The following TCHH variants were observed in gnomAD, a reference collection of about 807,000 sequenced individuals.
TCHH encodes trichohyalin.
A neutral mutation model predicts 6.3 loss-of-function variants in TCHH; 6 were observed. The observed-to-expected ratio is 0.95, with a 90% CI of 0.52 to 1.88. TCHH has a LOEUF of 1.88. TCHH is among the 40% of genes most tolerant of loss of function. TCHH has a pLI of 0.01. For synonymous variants in TCHH, 1,087 were observed against 963.6 expected, an observed-to-expected ratio of 1.13 and a Z score of -2.37; for missense variants, 2,920 against 2,449.1, an observed-to-expected ratio of 1.19 and a Z score of -4.06.
At position 152,107,709 on chromosome 1, in the gene TCHH, C is replaced by A. The variant is rs779744010; in HGVS notation, c.5508G>T (p.Arg1836Ser). 2.5e-6 allele frequency: 4 copies of A among 1,613,438 alleles called. No individual in the cohort carries two copies. The South Asian group carries it at 4.4e-5, about 18-fold the overall frequency. ...EQLQLEEQEQRLRQERDRQYR... is the reference protein window; with the variant it reads ...EQLQLEEQEQSLRQERDRQYR... ...ACTGCCGGTCTCGCTCCTGCCGCAG[C>A]CTCTGCTCTTGTTCCTCAAGTTGGA... The change falls in exon 3 of 3, where the codon AGG becomes AGT. Residue 1836 changes from arginine to serine, a missense_variant. Coordinates refer to ENST00000614923, the MANE Select transcript of TCHH (RefSeq NM_007113.4).
Position 152,110,782 on chromosome 1 carries a change from G to A in TCHH, c.2435C>T (p.Pro812Leu), listed in dbSNP as rs1373749268. Residue 812 changes from proline to leucine, a missense_variant, in exon 3 of 3, where the codon CCG becomes CTG. By Grantham distance (98) the Pro-to-Leu change is moderately conservative. Transcript: ENST00000614923. Reference sequence around the variant, plus strand: ...CCGCTGCTCCTTCTCCTCCTCCTCCGGGAGAAACCGTTGTTCCCGCTGCTG... The same window carrying A: ...CCGCTGCTCCTTCTCCTCCTCCTCCAGGAGAAACCGTTGTTCCCGCTGCTG... ...ERQQREQRFL[P>L]EEEEKEQRRR... 2 of 1,606,932 alleles carry A rather than the reference G, an allele frequency of 1.2e-6. No individual in the cohort carries two copies. The highest frequency in any genetic ancestry group is 1.7e-6 in the Non-Finnish European group (2 of 1,179,696).
In TCHH at chr1:152,107,771, G is replaced by A; in HGVS notation, c.5446C>T (p.Gln1816Ter). The A allele has an allele frequency of 6.2e-7, 1 of 1,614,168 alleles. No individual in the cohort carries two copies. Among genetic ancestry groups the A allele is most frequent in the Non-Finnish European group, 8.5e-7 (1 of 1,180,032 alleles). Residue 1816 changes from glutamine to a stop codon, truncating the protein, a stop_gained, in exon 3 of 3, where the codon CAG becomes TAG. Transcript: ENST00000614923. LOFTEE classifies it low-confidence loss of function (END_TRUNC). ...EREEQQLRPQ[Q>*]RDGKYRWEEE... is the part of the protein sequence containing the mutation. Reference sequence around the variant, plus strand: ...TCCCAGCGATACTTTCCGTCACGCTGTTGGGGGCGCAGCTGCTGTTCTTCC... The same window carrying A: ...TCCCAGCGATACTTTCCGTCACGCTATTGGGGGCGCAGCTGCTGTTCTTCC...
At chr1:152,113,360 C>T (rs1442702883) in intron 2 of TCHH, among the ~76,000 whole-genome samples, 1 of 152,174 alleles carries the variant, frequency 6.6e-6, no homozygotes, top group East Asian at 1.9e-4. Context: ...AGCCTACGCA[C>T]CTTAGAGGCA....
At position 152,109,773 on chromosome 1, in the gene TCHH, C is replaced by G. The variant is rs1304959684; in HGVS notation, c.3444G>C (p.Gln1148His). The change falls in exon 3 of 3, where the codon CAG becomes CAC. Residue 1148 changes from glutamine (Q) to histidine (H), a missense_variant. Transcript: ENST00000614923. ...RQYREEEEVQ[Q>H]EEEQLLREEP... Reference sequence around the variant, plus strand: ...CCTCTCTCAGCAGCTGCTCTTCCTCCTGCTGCACCTCCTCTTCCTCCCGAT... The same window carrying G: ...CCTCTCTCAGCAGCTGCTCTTCCTCGTGCTGCACCTCCTCTTCCTCCCGAT... The G allele has an allele frequency of 1.9e-6, 3 of 1,581,728 alleles. No individual in the cohort carries two copies. The highest frequency in any genetic ancestry group is 1.7e-4 in the Middle Eastern group (1 of 5,878).
chr1:152,109,718 C>T lies in TCHH; in HGVS notation c.3499G>A (p.Glu1167Lys). 2.5e-6 allele frequency: 4 copies of T among 1,606,114 alleles called. No homozygotes were observed. Among genetic ancestry groups the T allele is most frequent in the Non-Finnish European group, 2.5e-6 (3 of 1,176,536 alleles). The stretch of plus-strand genomic sequence containing the variant: ...TCCTCTTCCTCGCGGTATTGCCTCT[C>T]CAGCTCCTGGCGCCTTCTCTTCTCC... ...EPEKRRRQEL[E>K]RQYREEEELQ... The change falls in exon 3 of 3, where the codon GAG (glutamate) becomes AAG (lysine). Residue 1167 changes from glutamate to lysine, a missense_variant. Glu to Lys is a moderately conservative substitution (Grantham distance 56, BLOSUM62 1). Transcript: ENST00000614923.
chr1:152,108,830 A>AT lies in TCHH; in HGVS notation c.4386dup (p.Phe1463IlefsTer22). ...TGGAGCAGCTGTTCCTCTTCGCGGA[A>AT]TTTTCTGTGACGCTCCTGGCGCAGC... On this transcript the variant is annotated frameshift_variant, in exon 3 of 3. Coordinates refer to ENST00000614923, the MANE Select transcript of TCHH (RefSeq NM_007113.4). LOFTEE classifies it low-confidence loss of function (END_TRUNC). The AT allele has an allele frequency of 6.3e-7, 1 of 1,585,386 alleles. No individual in the cohort carries two copies.
chr1:152,109,116 C>T lies in TCHH; in HGVS notation c.4101G>A (p.Leu1367=), dbSNP rs375316803. ...ERDRKFREEE[L]RHQEQGRKFL... Reference sequence around the variant, plus strand: ...ATTTTCTCCCTTGTTCCTGATGGCGCAGTTCCTCTTCGCGGAATTTTCTGT... The same window carrying T: ...ATTTTCTCCCTTGTTCCTGATGGCGTAGTTCCTCTTCGCGGAATTTTCTGT... Residue 1367 remains leucine, a synonymous_variant, in exon 3 of 3, where the codon CTG becomes CTA. Transcript: ENST00000614923. 1.9e-5 allele frequency: 30 copies of T among 1,613,546 alleles called. No individual in the cohort carries two copies. In the African/African-American group the frequency reaches 3.3e-4, roughly 18 times the overall value.
rs762903467 is a variant in TCHH, at chr1:152,108,064, C to A, written c.5153G>T (p.Arg1718Leu). The change falls in exon 3 of 3, where the codon CGC becomes CTC. Residue 1718 changes from arginine to leucine, a missense_variant. Physicochemically the swap from Arg to Leu is moderately radical, Grantham distance 102. Coordinates refer to ENST00000614923, the MANE Select transcript of TCHH (RefSeq NM_007113.4). ...ACGGAATTTTCTCTCCAGTTCCTGG[C>A]GGCGCAGCTGCTGTTCCTCCTGGAG... ...KFLQEEQQLR[R>L]QELERKFREE... The A allele has an allele frequency of 9.9e-6, 16 of 1,613,638 alleles. No homozygotes were observed. Among genetic ancestry groups the A allele is most frequent in the Admixed American group, 5.0e-5 (3 of 59,982 alleles).
At position 152,112,238 on chromosome 1, in the gene TCHH, TCTCCTGCTGCTCGCGCCTCTC is replaced by T. The variant is rs770348410; in HGVS notation, c.958_978del (p.Glu320_Glu326del). On this transcript the variant is annotated inframe_deletion, in exon 3 of 3. Transcript: ENST00000614923. The stretch of plus-strand genomic sequence containing the variant: ...CGCCTCTCCTCCTGCTGCTCGCGCC[TCTCCTGCTGCTCGCGCCTCTC>T]CTCCTGCTGCTCGCGCCTCTCCTCC... 1.0e-4 allele frequency: 161 copies of T among 1,578,714 alleles called. 1 individual carries two copies. The highest frequency in any genetic ancestry group is 6.5e-4 in the Admixed American group (37 of 57,126).
chr1:152,108,617 G>A lies in TCHH; in HGVS notation c.4600C>T (p.Leu1534Phe), dbSNP rs774434759. The change falls in exon 3 of 3, where the codon CTC (leucine) becomes TTC (phenylalanine). Residue 1534 changes from leucine to phenylalanine, a missense_variant. By Grantham distance (22) the Leu-to-Phe change is conservative. Coordinates refer to ENST00000614923, the MANE Select transcript of TCHH (RefSeq NM_007113.4). ...LHRQQRQRKF[L>F]QEEQQLRRQE... is the part of the protein sequence containing the mutation. Reference sequence around the variant, plus strand: ...CGGCGCAGCTGCTGTTCCTCCTGGAGGAATTTTCTCTGCCGTTGCTGGCGG... The same window carrying A: ...CGGCGCAGCTGCTGTTCCTCCTGGAAGAATTTTCTCTGCCGTTGCTGGCGG... 2 of 1,601,208 alleles carry A rather than the reference G, an allele frequency of 1.2e-6. No individual in the cohort carries two copies. The highest frequency in any genetic ancestry group is 1.1e-5 in the South Asian group (1 of 90,904).
At chr1:152,113,914 A>G (rs1658448230) in intron 2 of TCHH, 29 bp downstream of exon 2, 9 of 1,602,972 alleles carry the variant, frequency 5.6e-6, no homozygotes, top group East Asian at 2.2e-5. Flanking sequence ...CCTCAAGTCA[A>G]TAGATCTCAT....
In TCHH at chr1:152,108,027, C is replaced by G; in HGVS notation, c.5190G>C (p.Gln1730His). The stretch of plus-strand genomic sequence containing the variant: ...GCTCTTGCTCCGTTTCTTGGCGCAG[C>G]TGTTCCTCCTCACGGAATTTTCTCT... ...ELERKFREEEQLRQETEQEQL... is the reference protein window; with the variant it reads ...ELERKFREEEHLRQETEQEQL... Residue 1730 changes from glutamine to histidine, a missense_variant, in exon 3 of 3, where the codon CAG becomes CAC. Transcript: ENST00000614923. 2 of 1,613,894 alleles carry G rather than the reference C, an allele frequency of 1.2e-6. No homozygotes were observed. The highest frequency in any genetic ancestry group is 8.5e-7 in the Non-Finnish European group (1 of 1,179,964).
In TCHH at chr1:152,109,036, T is replaced by G; in HGVS notation, c.4181A>C (p.Lys1394Thr). 1 of 1,613,720 alleles carries G rather than the reference T, an allele frequency of 6.2e-7. No homozygotes were observed. Among genetic ancestry groups the G allele is most frequent in the Non-Finnish European group, 8.5e-7 (1 of 1,179,820 alleles). Residue 1394 changes from lysine to threonine, a missense_variant, in exon 3 of 3, where the codon AAG becomes ACG. Coordinates refer to ENST00000614923, the MANE Select transcript of TCHH (RefSeq NM_007113.4). ...CTGGCAGCGCAGCTGCTGTTCCTCCTTAAGGAATTTTCTCTCCCGTTCCTG... is the reference window on the plus strand; with the variant it reads ...CTGGCAGCGCAGCTGCTGTTCCTCCGTAAGGAATTTTCTCTCCCGTTCCTG... The part of the protein sequence containing the change: ...RRQERERKFL[K>T]EEQQLRCQER...
rs1557811664 is a variant in TCHH, at chr1:152,111,383, G to GCTCGAGTCTCTCCACCTC, written c.1816_1833dup (p.Glu606_Glu611dup). ...AGCCGCTGCTCGCGCCTCTCCTCCTGCTCGAGTCTCTCCACCTCCTCGCGC... is the reference window on the plus strand; with the variant it reads ...AGCCGCTGCTCGCGCCTCTCCTCCTGCTCGAGTCTCTCCACCTCCTCGAGTCTCTCCACCTCCTCGCGC... On this transcript the variant is annotated inframe_insertion, in exon 3 of 3. Coordinates refer to ENST00000614923, the MANE Select transcript of TCHH (RefSeq NM_007113.4). The GCTCGAGTCTCTCCACCTC allele has an allele frequency of 1.0e-5, 16 of 1,595,068 alleles. No homozygotes were observed. The highest frequency in any genetic ancestry group is 2.3e-5 in the East Asian group (1 of 43,946).
Position 152,108,859 on chromosome 1 carries a change from T to G in TCHH, c.4358A>C (p.Gln1453Pro). Reference sequence around the variant, plus strand: ...TCTGTGACGCTCCTGGCGCAGCTGCTGTTCCTCCTCCAGGAATTTTCTCTC... The same window carrying G: ...TCTGTGACGCTCCTGGCGCAGCTGCGGTTCCTCCTCCAGGAATTTTCTCTC... Reference protein sequence around the residue: ...ERERKFLEEEQQLRQERHRKF... With the variant: ...ERERKFLEEEPQLRQERHRKF... Residue 1453 changes from glutamine to proline, a missense_variant, in exon 3 of 3, where the codon CAG becomes CCG. By Grantham distance (76) the Gln-to-Pro change is moderately conservative. Coordinates refer to ENST00000614923, the MANE Select transcript of TCHH (RefSeq NM_007113.4). The G allele has an allele frequency of 6.2e-7, 1 of 1,612,880 alleles. No homozygotes were observed. The highest frequency in any genetic ancestry group is 8.5e-7 in the Non-Finnish European group (1 of 1,179,688).
In TCHH at chr1:152,110,426, G is replaced by A. The variant is rs1296993731; in HGVS notation, c.2791C>T (p.Arg931Cys). ...RRRQEQERQYREEEQLQQEEE... is the reference protein window; with the variant it reads ...RRRQEQERQYCEEEQLQQEEE... Reference sequence around the variant, plus strand: ...TCCTGCTGCAGCTGCTCTTCCTCGCGGTATTGTCTCTCCTGTTCTTGGCGC... The same window carrying A: ...TCCTGCTGCAGCTGCTCTTCCTCGCAGTATTGTCTCTCCTGTTCTTGGCGC... The change falls in exon 3 of 3, where the codon CGC becomes TGC. Residue 931 changes from arginine (R) to cysteine (C), a missense_variant. By Grantham distance (180) the Arg-to-Cys change is radical (BLOSUM62 -3). Transcript: ENST00000614923. The A allele has an allele frequency of 1.2e-6, 2 of 1,613,836 alleles. No individual in the cohort carries two copies. The highest frequency in any genetic ancestry group is 1.7e-5 in the Admixed American group (1 of 59,982).
At position 152,112,514 on chromosome 1, in the gene TCHH, C is replaced by T. The variant is rs2101533824; in HGVS notation, c.703G>A (p.Asp235Asn). ...EKQQQRRERQ[D>N]RVFQEEEEKE... Reference sequence around the variant, plus strand: ...TCTTCTTCCTCCTGGAACACTCTGTCTTGCCGCTCTCGCCTTTGCTGCTGT... The same window carrying T: ...TCTTCTTCCTCCTGGAACACTCTGTTTTGCCGCTCTCGCCTTTGCTGCTGT... Residue 235 changes from aspartate to asparagine, a missense_variant, in exon 3 of 3, where the codon GAC (aspartate) becomes AAC (asparagine). Transcript: ENST00000614923. 6.2e-7 allele frequency: 1 copy of T among 1,613,518 alleles called. No homozygotes were observed. Among genetic ancestry groups the T allele is most frequent in the Non-Finnish European group, 8.5e-7 (1 of 1,180,006 alleles).
In TCHH at chr1:152,111,112, G is replaced by A. The variant is rs374975788; in HGVS notation, c.2105C>T (p.Pro702Leu). ...QARERIKSRIPKWQWQLESEA... is the reference protein window; with the variant it reads ...QARERIKSRILKWQWQLESEA... ...GCTTTCTAGCTGCCACTGCCACTTC[G>A]GGATGCGGCTCTTAATCCGCTCCCG... is the stretch of plus-strand genomic sequence containing the variant. The change falls in exon 3 of 3, where the codon CCG (proline) becomes CTG (leucine). Residue 702 changes from proline (P) to leucine (L), a missense_variant. Transcript: ENST00000614923. The A allele has an allele frequency of 1.9e-6, 3 of 1,613,628 alleles. No individual in the cohort carries two copies. Among genetic ancestry groups the A allele is most frequent in the East Asian group, 2.2e-5 (1 of 44,846 alleles).
chr1:152,108,092 A>G lies in TCHH; in HGVS notation c.5125T>C (p.Phe1709Leu). 1 of 1,595,474 alleles carries G rather than the reference A, an allele frequency of 6.3e-7. No individual in the cohort carries two copies. The highest frequency in any genetic ancestry group is 8.5e-7 in the Non-Finnish European group (1 of 1,175,066). The change falls in exon 3 of 3, where the codon TTC becomes CTC. Residue 1709 changes from phenylalanine to leucine, a missense_variant. Transcript: ENST00000614923. Reference protein sequence around the residue: ...QLRRQERERKFLQEEQQLRRQ... With the variant: ...QLRRQERERKLLQEEQQLRRQ... Reference sequence around the variant, plus strand: ...CGCAGCTGCTGTTCCTCCTGGAGGAATTTTCTCTCTCGTTCCTGACGGCGG... The same window carrying G: ...CGCAGCTGCTGTTCCTCCTGGAGGAGTTTTCTCTCTCGTTCCTGACGGCGG...
Sources: allele counts gnomAD v4.1 joint callset (sites outside exome capture counted in the v4.1 genomes callset), GRCh38; gene constraint gnomAD v4.1.1; transcripts MANE v1.5; gene names NCBI Gene and HGNC (gene_info 2026-07-23, HGNC 2026-07-21).